The following KIAA1755 variants were observed in gnomAD, a reference collection of about 807,000 sequenced individuals.
KIAA1755 encodes KIAA1755, also known as uncharacterized protein KIAA1755.
Under a neutral mutation model 91.7 loss-of-function variants are expected in KIAA1755, and 68 were observed. The observed-to-expected ratio is 0.74, with a 90% CI of 0.61 to 0.91. The LOEUF (loss-of-function observed/expected upper bound fraction) is 0.91. Ranked by LOEUF, KIAA1755 falls within the 40% of genes least tolerant of loss-of-function variation. KIAA1755 has a pLI of 0.00. For synonymous variants in KIAA1755, 610 were observed against 604.6 expected (o/e 1.01, Z -0.13); for missense variants, 1,535 against 1,494.4 (o/e 1.03, Z -0.45).
Position 38,213,085 on chromosome 20 carries a change from G to A in KIAA1755, c.3560C>T (p.Ser1187Phe), listed in dbSNP as rs1335698627. The change falls in exon 14 of 14, where the codon TCC becomes TTC. Residue 1187 changes from serine to phenylalanine, a missense_variant. Transcript: ENST00000279024. ...ACTTGTCTGGGGTGAGTCCTCAAGGGATGTCTGTGAGTCTGTCCCCTCTGA... is the reference window on the plus strand; with the variant it reads ...ACTTGTCTGGGGTGAGTCCTCAAGGAATGTCTGTGAGTCTGTCCCCTCTGA... ...FSSEGTDSQT[S>F]LEDSPQTSPL... The A allele has an allele frequency of 6.3e-7, 1 of 1,579,848 alleles. No individual in the cohort carries two copies. Among genetic ancestry groups the A allele is most frequent in the Non-Finnish European group, 8.6e-7 (1 of 1,161,040 alleles).
In KIAA1755 at chr20:38,236,642, C is replaced by T. The variant is rs572276083; in HGVS notation, c.1747+2886G>A. 2.6e-4 allele frequency among the ~76,000 whole-genome samples: 39 copies of T among 152,214 alleles called. No individual in the cohort carries two copies. In the South Asian group the frequency reaches 7.7e-3, roughly 30 times the overall value. On this transcript the variant is annotated intron_variant, in intron 4 of 13. Coordinates refer to ENST00000279024, the MANE Select transcript of KIAA1755 (RefSeq NM_001029864.2). ...AAGTGGCCATCCATGCCAAATGCTG[C>T]GGAAGGGCCTAGGGTGATGAGGACT...
chr20:38,231,777 C>T (rs762930911), intron 4 of KIAA1755, among the ~76,000 whole-genome samples: 4 of 152,228 alleles, frequency 2.6e-5, no homozygotes, highest in East Asian at 1.9e-4. Flanking sequence ...ACTTAATACA[C>T]AGCAAGAGCT....
At chr20:38,245,753 G>A (rs2076146697) in intron 2 of KIAA1755, among the ~76,000 whole-genome samples, 176 bp downstream of exon 2, 1 of 152,138 alleles carries the variant, frequency 6.6e-6, no homozygotes, top group South Asian at 2.1e-4. Flanking sequence ...AATCCCCTTC[G>A]ATCTGGGGGG....
intron 1 of KIAA1755, among the ~76,000 whole-genome samples, chr20:38,252,830 C>T (rs1207473387): frequency 6.6e-6 from 1 of 152,196 alleles, no homozygotes; most frequent in Non-Finnish European, 1.5e-5. Context: ...TTACCCACTA[C>T]AGGCCTGAAC....
chr20:38,224,925 G>A lies in KIAA1755; in HGVS notation c.2169+740C>T, dbSNP rs568636893. On this transcript the variant is annotated intron_variant, in intron 8 of 13. Coordinates refer to ENST00000279024, the MANE Select transcript of KIAA1755 (RefSeq NM_001029864.2). ...CCTTATTTCCTCCCTCTTATAGGAG[G>A]GAACCAGACCCTGAGCTTCCTGAGT... 2.3e-4 allele frequency among the ~76,000 whole-genome samples: 35 copies of A among 152,316 alleles called. No homozygotes were observed. The East Asian group carries it at 6.8e-3, about 29-fold the overall frequency.
At position 38,225,666 on chromosome 20, in the gene KIAA1755, T is replaced by C. The variant is rs2075743040; in HGVS notation, c.2168A>G (p.Gln723Arg). 1.3e-6 allele frequency: 2 copies of C among 1,599,854 alleles called. No individual in the cohort carries two copies. Among genetic ancestry groups the C allele is most frequent in the Non-Finnish European group, 1.7e-6 (2 of 1,167,036 alleles). The change falls in exon 8 of 14, where the codon CAG becomes CGG. Residue 723 changes from glutamine to arginine, a missense_variant and splice_region_variant. Coordinates refer to ENST00000279024, the MANE Select transcript of KIAA1755 (RefSeq NM_001029864.2). ...YCHTEWVHFF[Q>R]KLDPFLADLH... ...GCTAAAGGCTGTGACGGTAAACACCTGGAAGAAATGAACCCACTCGGTGTG... is the reference window on the plus strand; with the variant it reads ...GCTAAAGGCTGTGACGGTAAACACCCGGAAGAAATGAACCCACTCGGTGTG...
At position 38,241,351 on chromosome 20, in the gene KIAA1755, AG is replaced by A; in HGVS notation, c.779del (p.Ala260ValfsTer20). 6.2e-7 allele frequency: 1 copy of A among 1,614,104 alleles called. No individual in the cohort carries two copies. Among genetic ancestry groups the A allele is most frequent in the Non-Finnish European group, 8.5e-7 (1 of 1,180,014 alleles). On this transcript the variant is annotated frameshift_variant, in exon 3 of 14. Transcript: ENST00000279024. LOFTEE classifies it high-confidence loss of function. ...KVEQARCGEV[A>X]FRMDEVVSQD... ...GGCTGACCACCTCGTCCATCCTGAA[AG>A]CCACCTCCCCACACCGGGCTTGCTC...
At chr20:38,245,544 G>A (rs560526057) in intron 2 of KIAA1755, among the ~76,000 whole-genome samples, 2 of 152,220 alleles carry the variant, frequency 1.3e-5, no homozygotes, top group African/African-American at 4.8e-5. Context: ...TGCCTCAGGG[G>A]CTCCAGGGAA....
At chr20:38,247,640 G>A (rs1329223192) in intron 1 of KIAA1755, among the ~76,000 whole-genome samples, 3 of 152,212 alleles carry the variant, frequency 2.0e-5, no homozygotes, top group Non-Finnish European at 4.4e-5. Context: ...ACCTGTGAAC[G>A]TGCTGTTACA....
At chr20:38,219,904 G>T in intron 10 of KIAA1755, 136 bp from the exon 11 acceptor site, 1 of 1,143,912 alleles carries the variant, frequency 8.7e-7, no homozygotes, top group Non-Finnish European at 1.2e-6. Context: ...GTGACTGTGG[G>T]CAGGCCCTTC....
At chr20:38,228,633 T>C (rs983549528) in intron 5 of KIAA1755, among the ~76,000 whole-genome samples, 37 of 152,208 alleles carry the variant, frequency 2.4e-4, no homozygotes, top group African/African-American at 8.9e-4. Flanking sequence ...TTCTGATTGG[T>C]TGAGGCCAAC....
At chr20:38,236,239 G>A (rs2075958622) in intron 4 of KIAA1755, among the ~76,000 whole-genome samples, 1 of 152,196 alleles carries the variant, frequency 6.6e-6, no homozygotes, top group Non-Finnish European at 1.5e-5. Context: ...TGTGAAGTCA[G>A]GAGTCCATAT....
chr20:38,250,234 G>T (rs1441494182), intron 1 of KIAA1755, among the ~76,000 whole-genome samples: 1 of 152,122 alleles, frequency 6.6e-6, no homozygotes, highest in Non-Finnish European at 1.5e-5. Flanking sequence ...AGACTGCCCG[G>T]GTTCAAACTC....
rs536952357 is a variant in KIAA1755 at position 38,241,286 on chromosome 20, G to A, written c.845C>T (p.Ser282Phe). 3 of 1,614,116 alleles carry A rather than the reference G, an allele frequency of 1.9e-6. No individual in the cohort carries two copies. In the East Asian group the frequency reaches 6.7e-5, roughly 36 times the overall value. ...EGDYVALLGF[S>F]QESRGESPSR... is the part of the protein sequence containing the mutation. ...GGGAGACTCTCCTCTGCTCTCTTGG[G>A]AAAAGCCTAGGAGAGCCACATAGTC... The change falls in exon 3 of 14, where the codon TCC becomes TTC. Residue 282 changes from serine (S) to phenylalanine (F), a missense_variant. Transcript: ENST00000279024.
At chr20:38,226,034 C>T (rs1013904917) in intron 7 of KIAA1755, among the ~76,000 whole-genome samples, 1 of 152,216 alleles carries the variant, frequency 6.6e-6, no homozygotes, top group African/African-American at 2.4e-5. Context: ...GTGCCCAAGG[C>T]AGACATCATT....
At chr20:38,257,900 CTTT>C (rs538588264) in intron 1 of KIAA1755, among the ~76,000 whole-genome samples, 4 of 142,146 alleles carry the variant, frequency 2.8e-5, no homozygotes, top group Admixed American at 7.0e-5. Context: ...TTTATAGTTA[CTTT>C]TTTTTTTTTT....
chr20:38,256,997 C>T (rs1402432539), intron 1 of KIAA1755, among the ~76,000 whole-genome samples: 1 of 152,160 alleles, frequency 6.6e-6, no homozygotes, highest in African/African-American at 2.4e-5. Flanking sequence ...TGTGTCTCTG[C>T]TTCCACTGCC....
chr20:38,228,212 C>A lies in KIAA1755; in HGVS notation c.1900G>T (p.Val634Phe). The A allele has an allele frequency of 1.2e-6, 2 of 1,603,048 alleles. No homozygotes were observed. The highest frequency in any genetic ancestry group is 1.7e-6 in the Non-Finnish European group (2 of 1,175,378). Residue 634 changes from valine (V) to phenylalanine (F), a missense_variant, in exon 6 of 14, where the codon GTC becomes TTC. Physicochemically the swap from Val to Phe is conservative, Grantham distance 50. Coordinates refer to ENST00000279024, the MANE Select transcript of KIAA1755 (RefSeq NM_001029864.2). Reference protein sequence around the residue: ...RPEDKAKGLAVLIDARRQPPQ... With the variant: ...RPEDKAKGLAFLIDARRQPPQ... ...GGCTGTCTCCTGGCGTCAATCAGGA[C>A]CGCCAGCCCCTTGGCTTTATCTTCA...
Position 38,217,299 on chromosome 20 carries a change from C to G in KIAA1755, c.2855G>C (p.Arg952Pro). The stretch of plus-strand genomic sequence containing the variant: ...GTGGAGCAGCGTCTCGAGGTCCGTG[C>G]GTTGCCGCTCGGCCGCCATGTAAAA... ...THFYMAAERQRTDLETLLHLH... is the reference protein window; with the variant it reads ...THFYMAAERQPTDLETLLHLH... Residue 952 changes from arginine to proline, a missense_variant, in exon 13 of 14, where the codon CGC (arginine) becomes CCC (proline). Arg to Pro is a moderately radical substitution (Grantham distance 103). Transcript: ENST00000279024. The G allele has an allele frequency of 1.2e-6, 2 of 1,608,086 alleles. No individual in the cohort carries two copies. The highest frequency in any genetic ancestry group is 8.5e-7 in the Non-Finnish European group (1 of 1,177,946).
Sources: gnomAD v4.1 joint callset for allele counts (sites outside exome capture counted in the v4.1 genomes callset) on GRCh38, gnomAD v4.1.1 for gene constraint, MANE v1.5 for transcripts, NCBI Gene and HGNC (gene_info 2026-07-23, HGNC 2026-07-21) for gene names.